Variants in PLAC1 observed in about 807,000 individuals in gnomAD.
PLAC1 encodes placenta-specific protein 1.
For missense variants in PLAC1, 136 were observed against 163.2 expected, an observed-to-expected ratio of 0.83 and a Z score of 0.91; for synonymous variants, 68 against 62.1, an observed-to-expected ratio of 1.09 and a Z score of -0.44.
At chrX:134,721,879 A>C (rs904284149) in intron 2 of PLAC1, among the ~76,000 whole-genome samples, 2 of 111,517 alleles carry the variant, frequency 1.8e-5, no homozygotes, top group Non-Finnish European at 3.8e-5. Flanking sequence ...AATAAAAATA[A>C]AAATAAAAAA....
At chrX:134,655,802 G>T (rs2078388656) in intron 1 of PLAC1, among the ~76,000 whole-genome samples, 1 of 112,008 alleles carries the variant, frequency 8.9e-6, no homozygotes, top group Non-Finnish European at 1.9e-5. Context: ...AAGAAACCAG[G>T]CTCTGTTTTA....
At chrX:134,751,120 C>CA (rs751605508) in intron 1 of PLAC1, among the ~76,000 whole-genome samples, 531 of 45,972 alleles carry the variant, frequency 0.012, 3 homozygotes, top group African/African-American at 0.03. Flanking sequence ...AAGGCTCTGT[C>CA]AAAAAAAAAA....
At chrX:134,578,181 A>G (rs1208267536) in intron 2 of PLAC1, among the ~76,000 whole-genome samples, 5 of 111,310 alleles carry the variant, frequency 4.5e-5, no homozygotes, top group Non-Finnish European at 9.4e-5. Flanking sequence ...TGGGAGGCCC[A>G]GGTGGGCGGA....
chrX:134,727,735 A>G lies in PLAC1; in HGVS notation n.174+5700T>C, dbSNP rs150532241. On this transcript the variant is annotated intron_variant and non_coding_transcript_variant, in intron 2 of 2. Transcript: ENST00000466797. Reference sequence around the variant, plus strand: ...ATTCAAAATGCCCAGTTTTCAACAAAAAATGTATGGGATCTGCAAAGAAAT... The same window carrying G: ...ATTCAAAATGCCCAGTTTTCAACAAGAAATGTATGGGATCTGCAAAGAAAT... Among the ~76,000 whole-genome samples the G allele has an allele frequency of 7.4e-3, 828 of 112,304 alleles. 8 individuals carry two copies. The highest frequency in any genetic ancestry group is 0.025 in the African/African-American group (779 of 30,905).
chrX:134,751,363 C>T (rs912372740), intron 1 of PLAC1, among the ~76,000 whole-genome samples: 2 of 109,769 alleles, frequency 1.8e-5, no homozygotes, highest in Non-Finnish European at 3.8e-5. Context: ...CAATCTCATG[C>T]AGACAACTGC....
chrX:134,749,114 C>T (rs1287505232), intron 1 of PLAC1, among the ~76,000 whole-genome samples: 2 of 111,330 alleles, frequency 1.8e-5, no homozygotes, highest in Non-Finnish European at 1.9e-5. Context: ...CCCAGGAGTT[C>T]GAGACCAGCC....
intron 1 of PLAC1, among the ~76,000 whole-genome samples, chrX:134,746,706 G>A (rs370765373): frequency 3.6e-5 from 4 of 111,683 alleles, no homozygotes; most frequent in African/African-American, 1.3e-4. Context: ...AGATCTCAGC[G>A]TCGAGACTGC....
rs1356895862 is a variant in PLAC1, at chrX:134,750,829, ATATATT to A, written n.89+13399_89+13404del. 3.9e-4 allele frequency among the ~76,000 whole-genome samples: 13 copies of A among 33,107 alleles called. 2 individuals carry two copies. The highest frequency in any genetic ancestry group is 5.0e-4 in the Non-Finnish European group (11 of 21,904). 28.7% of individuals were successfully genotyped at this position (33,107 alleles called of 115,157 possible). On this transcript the variant is annotated intron_variant and non_coding_transcript_variant, in intron 1 of 2. Transcript: ENST00000466797. ...AAAAAAAAAATATATATATATATAT[ATATATT>A]TATATATATATTTATATATATATAT... is the stretch of plus-strand genomic sequence containing the variant.
At chrX:134,714,181 C>T (rs1029261862) in intron 2 of PLAC1, among the ~76,000 whole-genome samples, 1 of 111,910 alleles carries the variant, frequency 8.9e-6, no homozygotes, top group African/African-American at 3.3e-5. Flanking sequence ...CTTTGGGGCT[C>T]ACCTAGGGAT....
chrX:134,642,261 A>G (rs914291631), intron 1 of PLAC1, among the ~76,000 whole-genome samples: 3 of 111,982 alleles, frequency 2.7e-5, no homozygotes, highest in South Asian at 7.5e-4. Context: ...AAATCAAGAA[A>G]CTAAAGCTAC....
intron 1 of PLAC1, among the ~76,000 whole-genome samples, chrX:134,653,710 G>GA (rs1357997185): frequency 9.0e-6 from 1 of 111,313 alleles, no homozygotes; most frequent in Non-Finnish European, 1.9e-5. Context: ...TTGTGACTGG[G>GA]AGTCCTAGGG....
chrX:134,685,509 G>A (rs1429608840), intron 2 of PLAC1, among the ~76,000 whole-genome samples: 1 of 84,037 alleles, frequency 1.2e-5, no homozygotes, highest in Non-Finnish European at 2.1e-5. Context: ...CACTTCATGT[G>A]AATGGAAAAA....
intron 2 of PLAC1, among the ~76,000 whole-genome samples, chrX:134,677,764 A>G (rs1264512705): frequency 1.8e-5 from 2 of 111,542 alleles, no homozygotes; most frequent in East Asian, 5.6e-4. Flanking sequence ...ACATGTTCTG[A>G]CTTATGCTTT....
chrX:134,647,128 G>A (rs982481668), intron 1 of PLAC1, among the ~76,000 whole-genome samples: 2 of 111,682 alleles, frequency 1.8e-5, no homozygotes, highest in East Asian at 2.8e-4. Context: ...CCAGGCCTCC[G>A]AAGGTAGCCG....
At chrX:134,762,844 A>AAAAAAAAAAAAAAAAG (rs1569416103) in intron 1 of PLAC1, among the ~76,000 whole-genome samples, 3 of 104,865 alleles carry the variant, frequency 2.9e-5, no homozygotes, top group Non-Finnish European at 5.8e-5. Context: ...AAAAAAAAAA[A>AAAAAAAAAAAAAAAAG]AAAAGAAAAG....
At chrX:134,664,627 A>G (rs1315590365) in intron 2 of PLAC1, among the ~76,000 whole-genome samples, 1 of 112,372 alleles carries the variant, frequency 8.9e-6, no homozygotes, top group Non-Finnish European at 1.9e-5. Flanking sequence ...CCAGAAAGGG[A>G]GCCAGAGGCC....
rs2077902732 is a variant in PLAC1, at chrX:134,570,492, T to G, written c.-58-3752A>C. On this transcript the variant is annotated intron_variant, in intron 2 of 2. Transcript: ENST00000359237. ...ATAAATGCAAAGAAGGGAGCACTCA[T>G]TTTGGGACTACTGTCCAGCTTCTTG... Among the ~76,000 whole-genome samples the G allele has an allele frequency of 3.6e-5, 4 of 111,520 alleles. No homozygotes were observed. The South Asian group carries it at 1.5e-3, about 42-fold the overall frequency.
chrX:134,673,954 C>A (rs2078464715), intron 2 of PLAC1, among the ~76,000 whole-genome samples: 1 of 112,925 alleles, frequency 8.9e-6, no homozygotes, highest in Non-Finnish European at 1.9e-5. Flanking sequence ...ATCTATCCTG[C>A]AGATGAAAGG....
At chrX:134,614,736 G>A (rs902998571) in intron 1 of PLAC1, among the ~76,000 whole-genome samples, 3 of 111,814 alleles carry the variant, frequency 2.7e-5, no homozygotes, top group African/African-American at 9.7e-5. Context: ...TTGGGCTCAA[G>A]CTATCCTCCT....
Sources: gnomAD v4.1 joint callset for allele counts (sites outside exome capture counted in the v4.1 genomes callset) on GRCh38, gnomAD v4.1.1 for gene constraint, MANE v1.5 for transcripts, NCBI Gene and HGNC (gene_info 2026-07-23, HGNC 2026-07-21) for gene names.